The following NXN variants were observed in gnomAD, a reference collection of about 807,000 sequenced individuals.
NXN encodes the protein nucleoredoxin.
NXN carries 16 observed loss-of-function variants against 48.6 expected under a neutral mutation model. The observed-to-expected ratio is 0.33, with a 90% CI of 0.22 to 0.50. The LOEUF is 0.50. Among genes scored for constraint, NXN ranks in the 20% least tolerant of loss-of-function variants. The pLI is 0.98. For missense variants in NXN, 492 were observed against 605.5 expected (o/e 0.81, Z 1.97); for synonymous variants, 281 against 269.6 (o/e 1.04, Z -0.41).
At chr17:877,678 A>C (rs971928483) in intron 1 of NXN, among the ~76,000 whole-genome samples, 3 of 152,200 alleles carry the variant, frequency 2.0e-5, no homozygotes, top group Non-Finnish European at 4.4e-5. Flanking sequence ...GCTTAGAACA[A>C]TGTCTGGGGC....
intron 6 of NXN, chr17:804,042 C>A (rs890155141): frequency 1.5e-5 from 8 of 542,912 alleles, no homozygotes; most frequent in Admixed American, 3.1e-5. Context: ...CCAGGAGGAA[C>A]CTGCCTCACT....
intron 2 of NXN, 104 bp from the exon 3 acceptor site, chr17:823,869 C>T (rs1016631421): frequency 1.7e-6 from 2 of 1,190,252 alleles, no homozygotes; most frequent in African/African-American, 3.1e-5. Flanking sequence ...GACCTGGGAC[C>T]CGGGAGACCT....
intron 1 of NXN, among the ~76,000 whole-genome samples, chr17:848,875 C>T (rs2067893743): frequency 1.3e-5 from 2 of 152,156 alleles, no homozygotes; most frequent in Non-Finnish European, 2.9e-5. Context: ...GGAGGTTTTT[C>T]TGGATAGGCC....
At chr17:949,755 C>A (rs2069089025) in intron 1 of NXN, among the ~76,000 whole-genome samples, 1 of 150,408 alleles carries the variant, frequency 6.6e-6, no homozygotes. Flanking sequence ...CTGTTAGGAC[C>A]CACCTCCCTG....
At chr17:854,608 T>C (rs1005760046) in intron 1 of NXN, among the ~76,000 whole-genome samples, 11 of 147,546 alleles carry the variant, frequency 7.5e-5, no homozygotes, top group Middle Eastern at 3.6e-3. Flanking sequence ...TGAGCTGAGA[T>C]TGCACCACTG....
intron 1 of NXN, among the ~76,000 whole-genome samples, chr17:872,751 G>T (rs1003849679): frequency 6.6e-6 from 1 of 151,096 alleles, no homozygotes; most frequent in Middle Eastern, 3.2e-3. Flanking sequence ...CTCCCAAGTA[G>T]CTGGGATTAC....
At chr17:864,107 C>A in intron 1 of NXN, 2 of 1,466,878 alleles carry the variant, frequency 1.4e-6, no homozygotes, top group South Asian at 2.7e-5. Flanking sequence ...TGAAGGGGCA[C>A]GTTTACCGTT....
Position 825,652 on chromosome 17 carries a change from C to A in NXN, c.478+309G>T. 1 of 275,052 alleles carries A rather than the reference C, an allele frequency of 3.6e-6. No individual in the cohort carries two copies. The allele number at this position is 275,052 out of a possible 1,614,324, so 17.0% of individuals were successfully genotyped here. ...CCGCCACGGATGCAGCACTAGAGGC[C>A]GGGGTCTGAGCTCTCCGCTTTCCCA... On this transcript the variant is annotated intron_variant, in intron 2 of 7. Transcript: ENST00000336868. This position sits in a 1 kb window ranked among gnomAD's most constrained non-coding sequence, Gnocchi z 4.1.
chr17:979,584 G>C lies in NXN; in HGVS notation c.95C>G (p.Ser32Trp), dbSNP rs994861845. ...DVHSLGARGISLLGLYFGCSL... is the reference protein window; with the variant it reads ...DVHSLGARGIWLLGLYFGCSL... The stretch of plus-strand genomic sequence containing the variant: ...GCAGCCGAAGTAGAGACCCAGCAGC[G>C]AGATGCCGCGGGCGCCCAGCGAGTG... Residue 32 changes from serine to tryptophan, a missense_variant, in exon 1 of 8, where the codon TCG becomes TGG. Ser to Trp is a radical substitution (Grantham distance 177). Coordinates refer to ENST00000336868, the MANE Select transcript of NXN (RefSeq NM_022463.5). 4 of 1,438,742 alleles carry C rather than the reference G, an allele frequency of 2.8e-6. No homozygotes were observed. The African/African-American group carries it at 5.9e-5, about 21-fold the overall frequency. 89.1% of individuals were successfully genotyped at this position (1,438,742 alleles called of 1,614,324 possible). A position where few individuals can be genotyped will look rare whatever the true frequency, so the allele number is the denominator to read the frequency against.
intron 1 of NXN, among the ~76,000 whole-genome samples, chr17:867,529 A>G (rs1479954091): frequency 2.0e-5 from 3 of 152,226 alleles, no homozygotes; most frequent in Non-Finnish European, 4.4e-5. Context: ...ATGACACGAA[A>G]AGTTTTTTCT....
In NXN at chr17:956,908, C is replaced by A. The variant is rs942107014; in HGVS notation, c.360+22411G>T. Among the ~76,000 whole-genome samples, 1 of 152,180 alleles carries A rather than the reference C, an allele frequency of 6.6e-6. No individual in the cohort carries two copies. The highest frequency in any genetic ancestry group is 1.5e-5 in the Non-Finnish European group (1 of 68,030). ...GAGGCTGGCCCCTCCGTTCTCAGAG[C>A]TCCTGCGGGCAACTCCAGCCCTTTT... On this transcript the variant is annotated intron_variant, in intron 1 of 7. Transcript: ENST00000336868. The surrounding 1 kb of genome is among the most constrained non-coding windows in gnomAD (Gnocchi z 4.1).
In NXN at chr17:799,618, A is replaced by T. The variant is rs1279906427; in HGVS notation, c.*1331T>A. On this transcript the variant is annotated 3_prime_UTR_variant, in exon 8 of 8. Coordinates refer to ENST00000336868, the MANE Select transcript of NXN (RefSeq NM_022463.5). Reference sequence around the variant, plus strand: ...GCCGTCCATCCCCAATCCTGAGAACAGAGTTGTCTGTTTCTCTTTCGGGGG... The same window carrying T: ...GCCGTCCATCCCCAATCCTGAGAACTGAGTTGTCTGTTTCTCTTTCGGGGG... The T allele has an allele frequency of 6.6e-6, 1 of 152,258 alleles. No homozygotes were observed. The highest frequency in any genetic ancestry group is 2.4e-5 in the African/African-American group (1 of 41,460). The allele number at this position is 152,258 out of a possible 1,614,324, so 9.4% of individuals were successfully genotyped here. A position where few individuals can be genotyped will look rare whatever the true frequency, so the allele number is the denominator to read the frequency against.
intron 1 of NXN, among the ~76,000 whole-genome samples, chr17:946,311 G>A (rs968220129): frequency 1.3e-5 from 2 of 152,096 alleles, no homozygotes; most frequent in African/African-American, 2.4e-5. Context: ...TGGGATTACA[G>A]GCATCTGCTA....
intron 1 of NXN, among the ~76,000 whole-genome samples, chr17:832,431 C>T (rs140305247): frequency 0.021 from 3,251 of 152,078 alleles, 98 homozygotes; most frequent in African/African-American, 0.074. Flanking sequence ...CGTGTCCGCC[C>T]GCCTTGGCCT....
chr17:803,949 A>G, intron 6 of NXN, 143 bp from the exon 7 acceptor site: 1 of 1,049,976 alleles, frequency 9.5e-7, no homozygotes, highest in Non-Finnish European at 1.4e-6. Flanking sequence ...CCTTGGATGC[A>G]GGTCTTGCTC....
At chr17:833,181 G>A (rs561612279) in intron 1 of NXN, among the ~76,000 whole-genome samples, 77 of 152,178 alleles carry the variant, frequency 5.1e-4, no homozygotes, top group Admixed American at 2.2e-3. Flanking sequence ...ATGAGCCACC[G>A]CACCCGGCCG....
At chr17:806,790 C>G (rs143689584) in intron 5 of NXN, among the ~76,000 whole-genome samples, 3 of 152,306 alleles carry the variant, frequency 2.0e-5, no homozygotes, top group Non-Finnish European at 4.4e-5. Context: ...CGCGGGCGTG[C>G]CTGCCTTCGA....
intron 1 of NXN, among the ~76,000 whole-genome samples, chr17:853,725 T>TATATATATATA (rs1244981485): frequency 1.3e-4 from 11 of 85,930 alleles, no homozygotes; most frequent in Non-Finnish European, 2.1e-4. Context: ...ATATATATAT[T>TATATATATATA]TTTTTTTTTT....
intron 5 of NXN, among the ~76,000 whole-genome samples, chr17:812,775 T>G (rs890957088): frequency 1.5e-5 from 2 of 129,230 alleles, no homozygotes; most frequent in African/African-American, 5.2e-5. Flanking sequence ...TGAGTGTAGG[T>G]GTGTGCATGT....
Sources: allele counts gnomAD v4.1 joint callset (sites outside exome capture counted in the v4.1 genomes callset), GRCh38; gene constraint gnomAD v4.1.1; non-coding constraint Gnocchi (gnomAD v3.1); transcripts MANE v1.5; gene names NCBI Gene and HGNC (gene_info 2026-07-23, HGNC 2026-07-21).